Variants in FBN2 observed in about 807,000 individuals in gnomAD.
FBN2 encodes fibrillin 2, also known as fibrillin-2.
Under a neutral mutation model 355.6 loss-of-function variants are expected in FBN2, and 105 were observed. That is an observed-to-expected ratio of 0.30 (90% CI 0.25 to 0.35). FBN2 has a LOEUF of 0.35. Ranked by LOEUF, FBN2 falls within the 10% of genes least tolerant of loss-of-function variation. The pLI, the probability that FBN2 is intolerant of heterozygous loss-of-function variation, is 1.00. For synonymous variants in FBN2, 1,350 were observed against 1,301.2 expected (o/e 1.04, Z -0.81); for missense variants, 3,280 against 3,758.7 (o/e 0.87, Z 3.33).
intron 7 of FBN2, among the ~76,000 whole-genome samples, chr5:128,445,354 A>G (rs975187323): frequency 5.3e-5 from 8 of 152,204 alleles, no homozygotes; most frequent in Non-Finnish European, 8.8e-5. Context: ...GCAAATGAAA[A>G]AAAACAGGAT....
At chr5:128,303,130 A>G (rs1002379391) in intron 45 of FBN2, 41 bp from the exon 46 acceptor site, 1 of 1,199,986 alleles carries the variant, frequency 8.3e-7, no homozygotes, top group African/African-American at 1.5e-5. Context: ...ATTTTTAACT[A>G]GAAAAAAATG....
At chr5:128,262,127 T>C (rs972821301) in intron 63 of FBN2, among the ~76,000 whole-genome samples, 1 of 152,240 alleles carries the variant, frequency 6.6e-6, no homozygotes, top group African/African-American at 2.4e-5. Context: ...TCTTGCTCAC[T>C]GCAGCCTCAA....
intron 55 of FBN2, among the ~76,000 whole-genome samples, chr5:128,281,644 T>G (rs32206): frequency 6.6e-6 from 1 of 152,070 alleles, no homozygotes; most frequent in Non-Finnish European, 1.5e-5. Context: ...TCTTCCACTT[T>G]AATTAATTTA....
At chr5:128,311,241 C>A in intron 39 of FBN2, 59 bp downstream of exon 39, 1 of 1,600,106 alleles carries the variant, frequency 6.2e-7, no homozygotes, top group Non-Finnish European at 8.6e-7. Flanking sequence ...TCCCTCAGGC[C>A]TCAGCAGCCA....
At chr5:128,441,783 T>TAC (rs1753928183) in intron 7 of FBN2, among the ~76,000 whole-genome samples, 1 of 152,108 alleles carries the variant, frequency 6.6e-6, no homozygotes, top group Non-Finnish European at 1.5e-5. Flanking sequence ...AGAGAGGGAA[T>TAC]ACATATGTTT....
chr5:128,319,170 T>C (rs1750297378), intron 34 of FBN2, among the ~76,000 whole-genome samples, 169 bp from the exon 35 acceptor site: 1 of 152,148 alleles, frequency 6.6e-6, no homozygotes, highest in Non-Finnish European at 1.5e-5. Flanking sequence ...AAGCAACTAA[T>C]GTTCACCTAT....
intron 41 of FBN2, among the ~76,000 whole-genome samples, chr5:128,308,638 C>A (rs1470697852): frequency 6.6e-6 from 1 of 152,018 alleles, no homozygotes; most frequent in Non-Finnish European, 1.5e-5. Flanking sequence ...TTGCTCTTAT[C>A]TCTATTATCT....
intron 8 of FBN2, among the ~76,000 whole-genome samples, chr5:128,405,962 C>T (rs551683748): frequency 2.0e-5 from 3 of 152,296 alleles, no homozygotes; most frequent in Admixed American, 6.5e-5. Flanking sequence ...ACGACTCCCA[C>T]GGCGACGTTT....
chr5:128,495,560 C>A (rs1257344775), intron 5 of FBN2, among the ~76,000 whole-genome samples: 3 of 152,022 alleles, frequency 2.0e-5, no homozygotes, highest in Admixed American at 2.0e-4. Flanking sequence ...GACTTTTTAT[C>A]ATAACAATTA....
chr5:128,507,721 C>T (rs1362548609), intron 5 of FBN2, among the ~76,000 whole-genome samples: 1 of 151,918 alleles, frequency 6.6e-6, no homozygotes, highest in Non-Finnish European at 1.5e-5. Context: ...GCTACATGTT[C>T]CATGTGCAAT....
intron 44 of FBN2, 140 bp from the exon 45 acceptor site, chr5:128,305,222 T>C (rs535843298): frequency 2.3e-6 from 2 of 867,470 alleles, no homozygotes; most frequent in African/African-American, 1.7e-5. Context: ...TGAATCAAAA[T>C]GAGCAGGACT....
At chr5:128,340,115 T>C (rs10063914) in intron 25 of FBN2, among the ~76,000 whole-genome samples, 1,836 of 152,320 alleles carry the variant, frequency 0.012, 23 homozygotes, top group Non-Finnish European at 0.015. Context: ...GTCATGTCTA[T>C]ATAAAATATG....
intron 5 of FBN2, among the ~76,000 whole-genome samples, chr5:128,504,456 G>A (rs1050835548): frequency 1.3e-5 from 2 of 152,176 alleles, no homozygotes; most frequent in African/African-American, 4.8e-5. Context: ...AAAGCTACAG[G>A]GGCGGAGCTG....
chr5:128,445,434 C>A (rs1259913639), intron 7 of FBN2, among the ~76,000 whole-genome samples: 1 of 152,146 alleles, frequency 6.6e-6, no homozygotes, highest in Non-Finnish European at 1.5e-5. Flanking sequence ...TACCCACATT[C>A]TATCTCTTAT....
At position 128,278,096 on chromosome 5, in the gene FBN2, T is replaced by C. The variant is rs1486664574; in HGVS notation, c.7346-91A>G. On this transcript the variant is annotated intron_variant, in intron 57 of 64. Coordinates refer to ENST00000262464, the MANE Select transcript of FBN2 (RefSeq NM_001999.4). ...TCAAAGAGAAATGAAGAAATGGAGA[T>C]GACATAACTAACTGCAAACATTCCT... 7 of 1,330,370 alleles carry C rather than the reference T, an allele frequency of 5.3e-6. No homozygotes were observed. The African/African-American group carries it at 8.7e-5, about 16-fold the overall frequency. The allele number at this position is 1,330,370 out of a possible 1,614,324, so 82.4% of individuals were successfully genotyped here. A position where few individuals can be genotyped will look rare whatever the true frequency, so the allele number is the denominator to read the frequency against.
At chr5:128,383,738 A>T (rs1581254415) in intron 11 of FBN2, among the ~76,000 whole-genome samples, 1 of 152,100 alleles carries the variant, frequency 6.6e-6, no homozygotes, top group East Asian at 1.9e-4. Flanking sequence ...AGAGAAATGT[A>T]AATTAAAACC....
chr5:128,311,309 T>A lies in FBN2; in HGVS notation c.5065A>T (p.Ile1689Phe), dbSNP rs1750050633. 6.2e-7 allele frequency: 1 copy of A among 1,614,144 alleles called. No individual in the cohort carries two copies. The highest frequency in any genetic ancestry group is 8.5e-7 in the Non-Finnish European group (1 of 1,180,010). ...ATCAAATTCATCTCACCTTCACAGA[T>A]GCGGGTATCCTCGCTGAGGTAGTAG... The part of the protein sequence containing the change: ...QGYYLSEDTR[I>F]CEDIDECFAH... The change falls in exon 39 of 65, where the codon ATC becomes TTC. Residue 1689 changes from isoleucine to phenylalanine, a missense_variant. Coordinates refer to ENST00000262464, the MANE Select transcript of FBN2 (RefSeq NM_001999.4).
At chr5:128,472,361 G>A (rs1754884489) in intron 5 of FBN2, among the ~76,000 whole-genome samples, 1 of 152,116 alleles carries the variant, frequency 6.6e-6, no homozygotes, top group Non-Finnish European at 1.5e-5. Context: ...GGTTTGGGGT[G>A]GGAGGAAAAT....
intron 7 of FBN2, among the ~76,000 whole-genome samples, chr5:128,441,652 C>T (rs1201193233): frequency 6.6e-6 from 1 of 152,062 alleles, no homozygotes; most frequent in Non-Finnish European, 1.5e-5. Context: ...TACATATATC[C>T]TGCTGGCAGA....
Sources: allele counts gnomAD v4.1 joint callset (sites outside exome capture counted in the v4.1 genomes callset), GRCh38; gene constraint gnomAD v4.1.1; transcripts MANE v1.5; gene names NCBI Gene and HGNC (gene_info 2026-07-23, HGNC 2026-07-21).